The following DOCK1 variants were observed in gnomAD, a reference collection of about 807,000 sequenced individuals.
DOCK1 encodes the protein dedicator of cytokinesis protein 1.
In DOCK1, 138 loss-of-function variants were observed where a neutral mutation model predicts 262.7. The ratio of observed to expected loss-of-function variants is 0.53; its 90% CI spans 0.46 to 0.61. The LOEUF is 0.61. Among genes scored for constraint, DOCK1 ranks in the 20% least tolerant of loss-of-function variants. DOCK1 has a pLI of 0.00. For missense variants in DOCK1, 1,908 were observed against 2,370.7 expected (o/e 0.80, Z 4.05); for synonymous variants, 866 against 867.4 (o/e 1.00, Z 0.03).
intron 18 of DOCK1, among the ~76,000 whole-genome samples, chr10:127,034,053 G>A (rs1025183851): frequency 3.3e-5 from 5 of 152,166 alleles, no homozygotes; most frequent in African/African-American, 1.2e-4. Context: ...CCTGGGTGTG[G>A]GATCTATGCA....
At chr10:127,163,259 A>G (rs1387730180) in intron 27 of DOCK1, among the ~76,000 whole-genome samples, 2 of 152,134 alleles carry the variant, frequency 1.3e-5, no homozygotes, top group Non-Finnish European at 2.9e-5. Flanking sequence ...TGCATCAGCA[A>G]TGCCTGGTCC....
intron 2 of DOCK1, among the ~76,000 whole-genome samples, chr10:126,972,150 A>G (rs972382616): frequency 6.6e-6 from 1 of 152,084 alleles, no homozygotes; most frequent in Non-Finnish European, 1.5e-5. Flanking sequence ...TCCCAACCTC[A>G]GGTGATTTGC....
chr10:127,212,093 G>A (rs891179023), intron 27 of DOCK1, among the ~76,000 whole-genome samples: 1 of 152,192 alleles, frequency 6.6e-6, no homozygotes, highest in Non-Finnish European at 1.5e-5. Flanking sequence ...ACAAGTGGGT[G>A]TGTCATTCCA....
At chr10:126,981,882 A>T (rs1396956568) in intron 3 of DOCK1, 36 bp from the exon 4 acceptor site, 13 of 1,596,748 alleles carry the variant, frequency 8.1e-6, no homozygotes, top group African/African-American at 1.3e-5. Flanking sequence ...AATCCTATTG[A>T]TAATAAAAGC....
chr10:127,091,842 G>T (rs1039576366), intron 23 of DOCK1, among the ~76,000 whole-genome samples: 4 of 152,170 alleles, frequency 2.6e-5, no homozygotes, highest in African/African-American at 9.7e-5. Flanking sequence ...TGCACCGACT[G>T]CATGCTCTAT....
chr10:127,070,722 T>G (rs9418739), intron 23 of DOCK1, among the ~76,000 whole-genome samples: 4 of 150,498 alleles, frequency 2.7e-5, no homozygotes, highest in East Asian at 2.0e-4. Context: ...TGGAAACTTC[T>G]TAGAATCTAG....
intron 21 of DOCK1, among the ~76,000 whole-genome samples, chr10:127,046,312 G>C (rs2044342934): frequency 1.3e-5 from 2 of 152,170 alleles, no homozygotes; most frequent in Non-Finnish European, 2.9e-5. Flanking sequence ...CCAGCCAATG[G>C]AGATGGACAC....
chr10:127,099,848 G>A (rs535026708), intron 23 of DOCK1, among the ~76,000 whole-genome samples: 45 of 152,310 alleles, frequency 3.0e-4, no homozygotes, highest in African/African-American at 1.0e-3. Context: ...ACGAAATGAT[G>A]TCTAAGCTAA....
chr10:127,018,987 C>T, intron 13 of DOCK1, 152 bp downstream of exon 13: 1 of 1,194,282 alleles, frequency 8.4e-7, no homozygotes, highest in South Asian at 1.6e-5. Context: ...GGTTATGGAT[C>T]ATGGGGCTGT....
At chr10:127,067,437 A>G (rs2045944670) in intron 23 of DOCK1, among the ~76,000 whole-genome samples, 1 of 152,168 alleles carries the variant, frequency 6.6e-6, no homozygotes, top group Non-Finnish European at 1.5e-5. Flanking sequence ...AATTTTCTAT[A>G]GAAGGAAACT....
intron 29 of DOCK1, among the ~76,000 whole-genome samples, chr10:127,266,158 C>T (rs2060346593): frequency 6.6e-6 from 1 of 152,218 alleles, no homozygotes; most frequent in South Asian, 2.1e-4. Context: ...TACCTCCGTC[C>T]AGAGAAGCAC....
chr10:127,321,284 C>T (rs2062513388), intron 29 of DOCK1, among the ~76,000 whole-genome samples: 1 of 134,470 alleles, frequency 7.4e-6, no homozygotes, highest in Admixed American at 7.5e-5. Flanking sequence ...GCCCTATCCT[C>T]CCCTCCCCTC....
intron 35 of DOCK1, among the ~76,000 whole-genome samples, chr10:127,377,459 TAAAG>T (rs1261237522): frequency 1.3e-5 from 2 of 152,104 alleles, no homozygotes; most frequent in Non-Finnish European, 2.9e-5. Flanking sequence ...ATTAATAAAA[TAAAG>T]AACATAGAAT....
At chr10:126,922,139 C>T (rs1283653148) in intron 1 of DOCK1, among the ~76,000 whole-genome samples, 2 of 148,952 alleles carry the variant, frequency 1.3e-5, no homozygotes, top group East Asian at 4.0e-4. Flanking sequence ...GTCCCTGGAG[C>T]CCAGGAAGTG....
intron 23 of DOCK1, among the ~76,000 whole-genome samples, chr10:127,103,888 C>G (rs935025243): frequency 1.3e-5 from 2 of 152,186 alleles, no homozygotes; most frequent in African/African-American, 2.4e-5. Flanking sequence ...TCTAAAGTTG[C>G]TGAACTATTT....
chr10:127,424,117 G>C lies in DOCK1; in HGVS notation c.4777-1757G>C, dbSNP rs149376799. ...TTGTGCATTGGAATGTGTTTACTCA[G>C]GGCATCCTCTTATCTTCTTTCATTT... On this transcript the variant is annotated intron_variant, in intron 46 of 51. Coordinates refer to ENST00000623213, the MANE Select transcript of DOCK1 (RefSeq NM_001290223.2). Among the ~76,000 whole-genome samples, 335 of 152,252 alleles carry C rather than the reference G, an allele frequency of 2.2e-3. 1 individual carries two copies. Among genetic ancestry groups the C allele is most frequent in the African/African-American group, 7.7e-3 (321 of 41,544 alleles).
chr10:127,018,939 G>T (rs2042207159), intron 13 of DOCK1, 104 bp downstream of exon 13: 2 of 1,506,940 alleles, frequency 1.3e-6, no homozygotes, highest in Non-Finnish European at 1.8e-6. Flanking sequence ...CAAGGAAAGG[G>T]CTCAGCTCCT....
intron 8 of DOCK1, 115 bp downstream of exon 8, chr10:126,998,364 G>A: frequency 7.1e-7 from 1 of 1,406,924 alleles, no homozygotes; most frequent in Non-Finnish European, 9.8e-7. Flanking sequence ...ATGGCTGCTG[G>A]ACACGAGCAA....
intron 27 of DOCK1, among the ~76,000 whole-genome samples, chr10:127,207,571 A>G (rs1425898258): frequency 6.6e-6 from 1 of 152,170 alleles, no homozygotes; most frequent in Non-Finnish European, 1.5e-5. Flanking sequence ...CAATTCTCAC[A>G]TTTTAGGATT....
Sources: gnomAD v4.1 joint callset for allele counts (sites outside exome capture counted in the v4.1 genomes callset) on GRCh38, gnomAD v4.1.1 for gene constraint, MANE v1.5 for transcripts, NCBI Gene and HGNC (gene_info 2026-07-23, HGNC 2026-07-21) for gene names.